Variants in ANKS1B observed in about 807,000 individuals in gnomAD.
The protein encoded by ANKS1B is ankyrin repeat and sterile alpha motif domain containing 1B.
In ANKS1B, 36 loss-of-function variants were observed where a neutral mutation model predicts 148.3. The ratio of observed to expected loss-of-function variants is 0.24; its 90% confidence interval spans 0.19 to 0.32. ANKS1B has a LOEUF of 0.32. ANKS1B is among the 10% of genes least tolerant of loss of function. The pLI is 1.00. For missense variants in ANKS1B, 1,157 were observed against 1,542.6 expected, an observed-to-expected ratio of 0.75 and a Z score of 4.19; for synonymous variants, 542 against 560.8, an observed-to-expected ratio of 0.97 and a Z score of 0.47.
intron 1 of ANKS1B, among the ~76,000 whole-genome samples, chr12:99,846,413 C>T (rs924977144): frequency 1.3e-5 from 2 of 152,076 alleles, no homozygotes; most frequent in African/African-American, 4.8e-5. Context: ...TTCTTACTGA[C>T]ATCAATAATT....
chr12:99,155,085 C>T (rs1017226668), intron 14 of ANKS1B: 37 of 1,528,038 alleles, frequency 2.4e-5, no homozygotes, highest in East Asian at 2.0e-4. Context: ...ACTGGTTATA[C>T]GTTACAGAGC....
rs145068475 is a variant in ANKS1B, at chr12:99,289,551, T to C, written c.1757-42687A>G. On this transcript the variant is annotated intron_variant, in intron 12 of 26. Coordinates refer to ENST00000683438, the MANE Select transcript of ANKS1B (RefSeq NM_001352186.2). ...AGAAGTCTTAAAGAATTAAAAAATATTGAAATCATATCAAGTCTCTTCTCT... is the reference window on the plus strand; with the variant it reads ...AGAAGTCTTAAAGAATTAAAAAATACTGAAATCATATCAAGTCTCTTCTCT... Among the ~76,000 whole-genome samples, 287 of 152,112 alleles carry C rather than the reference T, an allele frequency of 1.9e-3. 1 individual carries two copies. Among genetic ancestry groups the C allele is most frequent in the African/African-American group, 6.6e-3 (274 of 41,568 alleles).
intron 9 of ANKS1B, among the ~76,000 whole-genome samples, chr12:99,505,774 T>C (rs1175035333): frequency 2.0e-5 from 3 of 151,808 alleles, no homozygotes; most frequent in African/African-American, 7.2e-5. Context: ...CAATTAATCA[T>C]ATTTTATTTT....
chr12:99,136,525 C>T (rs2068121264), intron 15 of ANKS1B, among the ~76,000 whole-genome samples: 1 of 152,140 alleles, frequency 6.6e-6, no homozygotes, highest in East Asian at 1.9e-4. Context: ...GGCTAAGATT[C>T]AGTTTGCAAC....
chr12:99,872,014 C>A (rs372632964), intron 1 of ANKS1B, among the ~76,000 whole-genome samples: 6 of 152,222 alleles, frequency 3.9e-5, no homozygotes, highest in African/African-American at 1.4e-4. Flanking sequence ...CTAAAATTAA[C>A]AACTATTATT....
intron 12 of ANKS1B, among the ~76,000 whole-genome samples, chr12:99,333,352 C>T (rs929222964): frequency 3.3e-5 from 5 of 152,042 alleles, no homozygotes; most frequent in African/African-American, 1.2e-4. Context: ...TAGAAATTAA[C>T]AGATAGATTC....
intron 9 of ANKS1B, among the ~76,000 whole-genome samples, chr12:99,559,043 A>T (rs990829561): frequency 1.3e-5 from 2 of 152,108 alleles, no homozygotes; most frequent in Non-Finnish European, 2.9e-5. Context: ...ACCAGTAATG[A>T]ATCTTGGTGC....
intron 17 of ANKS1B, among the ~76,000 whole-genome samples, chr12:98,929,069 C>A (rs888059404): frequency 6.6e-6 from 1 of 151,714 alleles, no homozygotes; most frequent in South Asian, 2.1e-4. Context: ...CACACACACA[C>A]ACAAGTTCAG....
intron 12 of ANKS1B, among the ~76,000 whole-genome samples, chr12:99,332,254 G>A (rs566809532): frequency 6.2e-4 from 94 of 152,100 alleles, no homozygotes; most frequent in Non-Finnish European, 1.1e-3. Flanking sequence ...TGATTCATGC[G>A]CACATTAAAG....
chr12:99,487,741 A>G (rs576756677), intron 10 of ANKS1B, among the ~76,000 whole-genome samples: 1 of 152,262 alleles, frequency 6.6e-6, no homozygotes, highest in Admixed American at 6.5e-5. Context: ...CAATGACCTA[A>G]TAAGTGGTCA....
intron 9 of ANKS1B, among the ~76,000 whole-genome samples, chr12:99,559,465 C>A (rs1025545841): frequency 6.6e-6 from 1 of 152,144 alleles, no homozygotes; most frequent in Non-Finnish European, 1.5e-5. Context: ...ATGTACTTGA[C>A]AAATTAACAA....
At chr12:99,555,929 A>T (rs1291146881) in intron 9 of ANKS1B, among the ~76,000 whole-genome samples, 1 of 152,190 alleles carries the variant, frequency 6.6e-6, no homozygotes, top group East Asian at 1.9e-4. Context: ...TTTTGGTATC[A>T]GGATGATGCT....
chr12:99,396,381 T>C (rs1002091103), intron 12 of ANKS1B, among the ~76,000 whole-genome samples: 5 of 152,174 alleles, frequency 3.3e-5, no homozygotes, highest in Admixed American at 2.0e-4. Context: ...ACAAATGCCT[T>C]CCTTACAAGT....
At chr12:99,603,672 A>G (rs940898828) in intron 9 of ANKS1B, among the ~76,000 whole-genome samples, 8 of 151,740 alleles carry the variant, frequency 5.3e-5, no homozygotes, top group African/African-American at 1.7e-4. Context: ...GATACAGTAG[A>G]AAAAAAAAGT....
intron 4 of ANKS1B, 42 bp from the exon 5 acceptor site, chr12:99,782,139 T>A (rs1278899421): frequency 6.8e-7 from 1 of 1,470,490 alleles, no homozygotes; most frequent in Non-Finnish European, 9.2e-7. Flanking sequence ...ACGGTTGCAT[T>A]TGGAATGCTT....
In ANKS1B at chr12:99,408,510, A is replaced by C. The variant is rs879844227; in HGVS notation, c.1576-8699T>G. On this transcript the variant is annotated intron_variant, in intron 11 of 26. Coordinates refer to ENST00000683438, the MANE Select transcript of ANKS1B (RefSeq NM_001352186.2). ...AAAGCGGACAAGTGAGATTATATCA[A>C]GCTAAAAACTTCTGCACAGCAAAGG... 8.2e-5 allele frequency among the ~76,000 whole-genome samples: 12 copies of C among 145,920 alleles called. 1 individual carries two copies. The highest frequency in any genetic ancestry group is 3.2e-3 in the Middle Eastern group (1 of 310).
At chr12:99,543,506 T>C (rs1237440225) in intron 9 of ANKS1B, among the ~76,000 whole-genome samples, 2 of 152,090 alleles carry the variant, frequency 1.3e-5, no homozygotes, top group Non-Finnish European at 2.9e-5. Context: ...CAAATGTTCA[T>C]ACAAAAACTT....
intron 19 of ANKS1B, among the ~76,000 whole-genome samples, chr12:98,822,650 T>A (rs2099207527): frequency 6.6e-6 from 1 of 152,244 alleles, no homozygotes; most frequent in South Asian, 2.1e-4. Flanking sequence ...TGGTTTTAAC[T>A]GCAAACAGGA....
chr12:99,520,808 TTTC>T (rs2096868113), intron 9 of ANKS1B, among the ~76,000 whole-genome samples: 1 of 152,274 alleles, frequency 6.6e-6, no homozygotes, highest in South Asian at 2.1e-4. Flanking sequence ...AGTTTTTTGT[TTTC>T]TTGAGATGGA....
Sources: gnomAD v4.1 joint callset for allele counts (sites outside exome capture counted in the v4.1 genomes callset) on GRCh38, gnomAD v4.1.1 for gene constraint, MANE v1.5 for transcripts, NCBI Gene and HGNC (gene_info 2026-07-23, HGNC 2026-07-21) for gene names.